MCC: variants seen among roughly 807,000 people sequenced by gnomAD.
MCC encodes colorectal mutant cancer protein.
A neutral mutation model predicts 116.2 loss-of-function variants in MCC; 90 were observed. The ratio of observed to expected loss-of-function variants is 0.77; its 90% CI spans 0.65 to 0.92. The LOEUF (loss-of-function observed/expected upper bound fraction) is 0.92. Among genes scored for constraint, MCC ranks in the 40% least tolerant of loss-of-function variants. MCC has a pLI of 0.00. For missense variants in MCC, 1,516 were observed against 1,312.2 expected (o/e 1.16, Z -2.40); for synonymous variants, 578 against 510.5 (o/e 1.13, Z -1.78).
chr5:113,226,580 G>A (rs376835692), intron 3 of MCC, among the ~76,000 whole-genome samples: 3 of 152,330 alleles, frequency 2.0e-5, no homozygotes, highest in South Asian at 4.1e-4. Flanking sequence ...TTTAGTTTGA[G>A]GGGCTAGGGT....
chr5:113,219,023 C>T (rs1024747717), intron 3 of MCC, among the ~76,000 whole-genome samples: 5 of 152,096 alleles, frequency 3.3e-5, no homozygotes, highest in African/African-American at 1.2e-4. Flanking sequence ...TTTTTAAATT[C>T]CTGATATAAC....
At chr5:113,073,389 C>A (rs1235328249) in intron 11 of MCC, among the ~76,000 whole-genome samples, 5 of 152,264 alleles carry the variant, frequency 3.3e-5, no homozygotes, top group African/African-American at 1.2e-4. Context: ...CCATTCTCCA[C>A]ACCCAGGTAA....
At chr5:113,353,124 T>C (rs899247198) in intron 2 of MCC, among the ~76,000 whole-genome samples, 1 of 152,102 alleles carries the variant, frequency 6.6e-6, no homozygotes, top group Non-Finnish European at 1.5e-5. Flanking sequence ...TCTGACATGA[T>C]GGGTGCTTTC....
In MCC at chr5:113,274,602, C is replaced by G. The variant is rs143208253; in HGVS notation, c.627+65917G>C. Among the ~76,000 whole-genome samples the G allele has an allele frequency of 3.4e-3, 520 of 152,232 alleles. 2 individuals are homozygous for G. Among genetic ancestry groups the G allele is most frequent in the Admixed American group, 5.6e-3 (85 of 15,298 alleles). On this transcript the variant is annotated intron_variant, in intron 3 of 18. Coordinates refer to ENST00000408903, the MANE Select transcript of MCC (RefSeq NM_001085377.2). ...TCTTGAACTCCTGACCTTTAGTGGT[C>G]CGACCGCCTTAGTCTCCCAAAGTGC... is the stretch of plus-strand genomic sequence containing the variant.
At chr5:113,476,446 C>T (rs145438436) in intron 1 of MCC, among the ~76,000 whole-genome samples, 12 of 152,196 alleles carry the variant, frequency 7.9e-5, no homozygotes, top group African/African-American at 2.2e-4. Context: ...GGAAAACAGA[C>T]GAGTGCTTTC....
At chr5:113,199,773 A>C (rs146592185) in intron 3 of MCC, among the ~76,000 whole-genome samples, 1 of 152,352 alleles carries the variant, frequency 6.6e-6, no homozygotes, top group East Asian at 1.9e-4. Context: ...GAACAATGCA[A>C]CAGACCACCA....
chr5:113,388,775 G>C (rs563499135), intron 1 of MCC, among the ~76,000 whole-genome samples: 2 of 152,112 alleles, frequency 1.3e-5, no homozygotes, highest in Non-Finnish European at 2.9e-5. Context: ...TTACAGCCAC[G>C]CAAGAATAGA....
At chr5:113,251,533 A>G (rs1035131937) in intron 3 of MCC, among the ~76,000 whole-genome samples, 3 of 152,194 alleles carry the variant, frequency 2.0e-5, no homozygotes, top group African/African-American at 7.2e-5. Context: ...GTAAGTTCAC[A>G]TATAGATCTG....
intron 3 of MCC, among the ~76,000 whole-genome samples, chr5:113,212,388 G>C (rs1763165645): frequency 6.6e-6 from 1 of 152,050 alleles, no homozygotes; most frequent in Non-Finnish European, 1.5e-5. Context: ...TCCATGACCT[G>C]GCTCCACTCC....
Position 113,194,465 on chromosome 5 carries a change from T to C in MCC, c.628-43043A>G, listed in dbSNP as rs57625265. On this transcript the variant is annotated intron_variant, in intron 3 of 18. Transcript: ENST00000408903. ...GGACTGCCTTAAGTCAGGAGTTCAATATCAGCCTGGGCAACAAAGTAAGAA... is the reference window on the plus strand; with the variant it reads ...GGACTGCCTTAAGTCAGGAGTTCAACATCAGCCTGGGCAACAAAGTAAGAA... Among the ~76,000 whole-genome samples the C allele has an allele frequency of 4.6e-3, 697 of 152,134 alleles. 5 individuals are homozygous for C. The highest frequency in any genetic ancestry group is 0.016 in the African/African-American group (651 of 41,502).
chr5:113,197,742 C>G (rs996488505), intron 3 of MCC, among the ~76,000 whole-genome samples: 92 of 152,196 alleles, frequency 6.0e-4, no homozygotes. Context: ...ACTATCCTCA[C>G]TTTATAGTTG....
chr5:113,176,861 C>T (rs1000538810), intron 3 of MCC, among the ~76,000 whole-genome samples: 2 of 152,114 alleles, frequency 1.3e-5, no homozygotes, highest in African/African-American at 4.8e-5. Context: ...CCAGCATCAC[C>T]ATTCTAGCTC....
chr5:113,226,455 G>A (rs903714203), intron 3 of MCC, among the ~76,000 whole-genome samples: 5 of 152,336 alleles, frequency 3.3e-5, no homozygotes, highest in African/African-American at 4.8e-5. Context: ...GATTCCTGGA[G>A]AAGTGTTGTG....
At chr5:113,067,901 T>C (rs1337966293) in intron 13 of MCC, among the ~76,000 whole-genome samples, 179 bp downstream of exon 13, 1 of 152,260 alleles carries the variant, frequency 6.6e-6, no homozygotes, top group East Asian at 1.9e-4. Context: ...TCCACTCCAG[T>C]TCTTGCTGCA....
Position 113,072,468 on chromosome 5 carries a change from T to C in MCC, c.1785-1234A>G, listed in dbSNP as rs377701252. 3.5e-4 allele frequency among the ~76,000 whole-genome samples: 53 copies of C among 152,316 alleles called. 1 individual carries two copies. Among genetic ancestry groups the C allele is most frequent in the African/African-American group, 1.2e-3 (51 of 41,560 alleles). ...CTACAGTCTGTCCCGGCTAATTAGA[T>C]AAAGCCTTTACCCAACTCATAGACC... On this transcript the variant is annotated intron_variant, in intron 11 of 18. Transcript: ENST00000408903.
intron 3 of MCC, among the ~76,000 whole-genome samples, chr5:113,280,032 C>G (rs1401894849): frequency 6.6e-6 from 1 of 152,216 alleles, no homozygotes. Flanking sequence ...TGGAGCTACT[C>G]CCATCATCCC....
intron 3 of MCC, among the ~76,000 whole-genome samples, chr5:113,326,643 C>A (rs1286442030): frequency 6.6e-6 from 1 of 152,204 alleles, no homozygotes; most frequent in Non-Finnish European, 1.5e-5. Context: ...CAACCCATAG[C>A]AAGTGCTATA....
chr5:113,244,555 C>A (rs1293313597), intron 3 of MCC, among the ~76,000 whole-genome samples: 1 of 152,148 alleles, frequency 6.6e-6, no homozygotes, highest in African/African-American at 2.4e-5. Flanking sequence ...TTTCTAAATA[C>A]AACATTTGGT....
chr5:113,235,376 G>A (rs1029096337), intron 3 of MCC, among the ~76,000 whole-genome samples: 1 of 152,086 alleles, frequency 6.6e-6, no homozygotes, highest in Non-Finnish European at 1.5e-5. Context: ...CTTCCCCAAA[G>A]GAATCTCCAA....
Sources: allele counts gnomAD v4.1 joint callset (sites outside exome capture counted in the v4.1 genomes callset), GRCh38; gene constraint gnomAD v4.1.1; transcripts MANE v1.5; gene names NCBI Gene and HGNC (gene_info 2026-07-23, HGNC 2026-07-21).